Variants in EEF1E1 observed in about 807,000 individuals in gnomAD.
EEF1E1 encodes eukaryotic translation elongation factor 1 epsilon-1.
In EEF1E1, 19 loss-of-function variants were observed where a neutral mutation model predicts 19.9. The ratio of observed to expected loss-of-function variants is 0.95; its 90% confidence interval spans 0.66 to 1.40. The LOEUF is 1.40. EEF1E1 is among the 40% of genes most tolerant of loss of function. The probability of loss-of-function intolerance (pLI) is 0.00; values close to 1 mark genes in which losing one functional copy is unlikely to be tolerated. For synonymous variants in EEF1E1, 81 were observed against 80.0 expected, an observed-to-expected ratio of 1.01 and a Z score of -0.07; for missense variants, 198 against 202.2, an observed-to-expected ratio of 0.98 and a Z score of 0.13.
chr6:8,078,742 TGGA>T, downstream of EEF1E1: 7 of 1,284,702 alleles, frequency 5.4e-6, no homozygotes, highest in Non-Finnish European at 7.1e-6. Context: ...ATGATTTGCC[TGGA>T]GAAGAGAAAG....
At chr6:8,097,502 A>C (rs1416079107) in intron 1 of EEF1E1, 35 bp from the exon 2 acceptor site, 4 of 1,554,382 alleles carry the variant, frequency 2.6e-6, no homozygotes, top group East Asian at 4.5e-5. Context: ...GAATTTAAAA[A>C]ACAAGGACCA....
downstream of EEF1E1, among the ~76,000 whole-genome samples, chr6:8,076,969 G>A (rs562330260): frequency 2.7e-5 from 3 of 112,758 alleles, no homozygotes; most frequent in Non-Finnish European, 5.5e-5. Context: ...TTGAGATGGA[G>A]TCTCGCGCTG....
Position 8,080,042 on chromosome 6 carries a change from T to C in EEF1E1, c.385-12A>G, listed in dbSNP as rs372034787. 6.2e-7 allele frequency: 1 copy of C among 1,612,400 alleles called. No individual in the cohort carries two copies. Among genetic ancestry groups the C allele is most frequent in the Non-Finnish European group, 8.5e-7 (1 of 1,179,542 alleles). Reference sequence around the variant, plus strand: ...ACTGTCAGGTCAACCTAAGTAGAGATTAAAAACATACACACACAACACAGA... The same window carrying C: ...ACTGTCAGGTCAACCTAAGTAGAGACTAAAAACATACACACACAACACAGA... On this transcript the variant is annotated splice_polypyrimidine_tract_variant and intron_variant, in intron 3 of 3. Transcript: ENST00000379715.
chr6:8,102,297 A>C (rs985776430), intron 1 of EEF1E1, 138 bp downstream of exon 1: 1 of 994,114 alleles, frequency 1.0e-6, no homozygotes, highest in Non-Finnish European at 1.4e-6. Context: ...CCAGCCGGCT[A>C]GCGGCGCAGA....
At position 8,090,248 on chromosome 6, in the gene EEF1E1, G is replaced by A; in HGVS notation, c.322C>T (p.Leu108Phe). Residue 108 changes from leucine (L) to phenylalanine (F), a missense_variant, in exon 3 of 4, where the codon CTT becomes TTT. Coordinates refer to ENST00000379715, the MANE Select transcript of EEF1E1 (RefSeq NM_004280.5). The part of the protein sequence containing the change: ...LNSYLEDKVY[L>F]TGYNFTLADI... ...GCTAATGTAAAGTTATACCCTGTAA[G>A]GTAGACTTTATCTTCAAGATATGAA... The A allele has an allele frequency of 3.3e-6, 5 of 1,495,948 alleles. No individual in the cohort carries two copies. Among genetic ancestry groups the A allele is most frequent in the Non-Finnish European group, 4.4e-6 (5 of 1,131,672 alleles). 92.7% of individuals were successfully genotyped at this position (1,495,948 alleles called of 1,614,324 possible). A position where few individuals can be genotyped will look rare whatever the true frequency, so the allele number is the denominator to read the frequency against.
chr6:8,081,063 A>C (rs1193347627), intron 3 of EEF1E1, among the ~76,000 whole-genome samples: 1 of 152,250 alleles, frequency 6.6e-6, no homozygotes, highest in Non-Finnish European at 1.5e-5. Context: ...CAGAATACAA[A>C]AGGATATTAA....
At chr6:8,093,243 A>G (rs1241388062) in intron 2 of EEF1E1, among the ~76,000 whole-genome samples, 2 of 151,852 alleles carry the variant, frequency 1.3e-5, no homozygotes, top group East Asian at 3.9e-4. Flanking sequence ...TATAAATAAA[A>G]TCTTTACTAC....
rs1180169857 is a variant in EEF1E1 at position 8,094,943 on chromosome 6, A to G, written c.288+2324T>C. ...CTCTAGCTTACTTTAAGAATACGGT[A>G]TATAATACACATAAAATACAAAATA... is the stretch of plus-strand genomic sequence containing the variant. On this transcript the variant is annotated intron_variant, in intron 2 of 3. Transcript: ENST00000379715. Among the ~76,000 whole-genome samples, 10 of 152,220 alleles carry G rather than the reference A, an allele frequency of 6.6e-5. No individual in the cohort carries two copies. The East Asian group carries it at 1.9e-3, about 29-fold the overall frequency.
At position 8,079,938 on chromosome 6, in the gene EEF1E1, C is replaced by G. The variant is rs1469096446; in HGVS notation, c.477G>C (p.Leu159=). Residue 159 remains leucine (L), a synonymous_variant, in exon 4 of 4, where the codon CTG becomes CTC. Coordinates refer to ENST00000379715, the MANE Select transcript of EEF1E1 (RefSeq NM_004280.5). ...IQHYPGIRQH[L]SSVVFIKNRL... Reference sequence around the variant, plus strand: ...TGTTCTTGATGAAGACAACACTAGACAGATGTTGCCTGATGCCTGGATAAT... The same window carrying G: ...TGTTCTTGATGAAGACAACACTAGAGAGATGTTGCCTGATGCCTGGATAAT... 1 of 1,613,314 alleles carries G rather than the reference C, an allele frequency of 6.2e-7. No homozygotes were observed.
At chr6:8,078,704 T>C (rs1174689118), downstream of EEF1E1, 2 of 1,286,594 alleles carry the variant, frequency 1.6e-6, no homozygotes, top group African/African-American at 3.0e-5. Context: ...CCTGTTACAA[T>C]CCTCATTTTC....
intron 3 of EEF1E1, among the ~76,000 whole-genome samples, chr6:8,086,833 G>GA (rs1156454898): frequency 6.6e-6 from 1 of 152,188 alleles, no homozygotes; most frequent in Non-Finnish European, 1.5e-5. Flanking sequence ...ACACATGCCA[G>GA]GAATTACCTC....
downstream of EEF1E1, among the ~76,000 whole-genome samples, chr6:8,075,001 G>C (rs574477004): frequency 1.3e-5 from 2 of 152,326 alleles, no homozygotes; most frequent in African/African-American, 4.8e-5. Flanking sequence ...TGAAGGAAAA[G>C]AGTGAAATAG....
At chr6:8,084,348 T>C (rs1205429333) in intron 3 of EEF1E1, among the ~76,000 whole-genome samples, 1 of 152,274 alleles carries the variant, frequency 6.6e-6, no homozygotes, top group Non-Finnish European at 1.5e-5. Flanking sequence ...GCTAGTGCTA[T>C]GAATATTTTG....
At chr6:8,076,556 C>T (rs572919424), downstream of EEF1E1, among the ~76,000 whole-genome samples, 2 of 152,158 alleles carry the variant, frequency 1.3e-5, no homozygotes, top group Admixed American at 6.5e-5. Flanking sequence ...ATCTCCTGAC[C>T]TCGTGATCTG....
chr6:8,074,929 G>A (rs1346080262), downstream of EEF1E1, among the ~76,000 whole-genome samples: 2 of 152,176 alleles, frequency 1.3e-5, no homozygotes, highest in African/African-American at 2.4e-5. Context: ...AAGAGGGGTC[G>A]CTTGACAAAG....
At chr6:8,088,512 A>G (rs1388918738) in intron 3 of EEF1E1, among the ~76,000 whole-genome samples, 5 of 152,152 alleles carry the variant, frequency 3.3e-5, no homozygotes, top group African/African-American at 1.2e-4. Context: ...TGATGGTTTT[A>G]TAAGTGGGAG....
chr6:8,095,445 G>C, intron 2 of EEF1E1: 1 of 354,660 alleles, frequency 2.8e-6, no homozygotes, highest in Non-Finnish European at 5.9e-6. Context: ...GGAGGTTGCA[G>C]TGAGCCAAGA....
chr6:8,094,809 A>G (rs115634805), intron 2 of EEF1E1, among the ~76,000 whole-genome samples: 3,166 of 152,268 alleles, frequency 0.021, 49 homozygotes, highest in Non-Finnish European at 0.03. Context: ...AGCCTACTCA[A>G]TGTGAAGTGA....
chr6:8,077,622 C>T (rs1757630476), downstream of EEF1E1, among the ~76,000 whole-genome samples: 1 of 152,168 alleles, frequency 6.6e-6, no homozygotes. Context: ...CTGCAGTTTC[C>T]TCACCTTTCT....
Sources: gnomAD v4.1 joint callset for allele counts (sites outside exome capture counted in the v4.1 genomes callset) on GRCh38, gnomAD v4.1.1 for gene constraint, MANE v1.5 for transcripts, NCBI Gene and HGNC (gene_info 2026-07-23, HGNC 2026-07-21) for gene names.